TAFA2: variants seen among roughly 807,000 people sequenced by gnomAD.
TAFA2 encodes the protein chemokine-like protein TAFA-2.
A neutral mutation model predicts 18.8 loss-of-function variants in TAFA2; 7 were observed. That is an observed-to-expected ratio of 0.37 (90% CI 0.21 to 0.70). The LOEUF (loss-of-function observed/expected upper bound fraction) is 0.70, where lower values mean the gene tolerates loss of function less well. Ranked by LOEUF, TAFA2 falls within the 30% of genes least tolerant of loss-of-function variation. The pLI is 0.53. For synonymous variants in TAFA2, 60 were observed against 54.2 expected, an observed-to-expected ratio of 1.11 and a Z score of -0.47; for missense variants, 122 against 158.1, an observed-to-expected ratio of 0.77 and a Z score of 1.23.
At chr12:61,818,469 C>T (rs963444083) in intron 2 of TAFA2, among the ~76,000 whole-genome samples, 7 of 145,364 alleles carry the variant, frequency 4.8e-5, no homozygotes, top group African/African-American at 1.6e-4. Flanking sequence ...GGTGACAGAT[C>T]GAGACCCTGT....
intron 2 of TAFA2, among the ~76,000 whole-genome samples, chr12:61,791,172 A>T (rs1870961982): frequency 6.6e-6 from 1 of 151,924 alleles, no homozygotes; most frequent in Non-Finnish European, 1.5e-5. Flanking sequence ...ATGAAACTGG[A>T]CATGTATCTT....
At chr12:62,075,772 T>C (rs1042101823) in intron 1 of TAFA2, among the ~76,000 whole-genome samples, 2 of 152,190 alleles carry the variant, frequency 1.3e-5, no homozygotes, top group Non-Finnish European at 2.9e-5. Context: ...ATTAATCCAC[T>C]AAGTTATTTA....
intron 1 of TAFA2, among the ~76,000 whole-genome samples, chr12:62,051,370 G>A (rs1287990802): frequency 6.6e-6 from 1 of 152,048 alleles, no homozygotes; most frequent in Non-Finnish European, 1.5e-5. Flanking sequence ...CACTTCACAA[G>A]TCTATAGATC....
intron 1 of TAFA2, among the ~76,000 whole-genome samples, chr12:61,918,011 TTA>T (rs1457264535): frequency 6.6e-6 from 1 of 152,052 alleles, no homozygotes; most frequent in African/African-American, 2.4e-5. Flanking sequence ...CCATGCTTAT[TTA>T]TTTTTTTTTT....
intron 1 of TAFA2, among the ~76,000 whole-genome samples, chr12:62,111,418 A>G (rs192388824): frequency 6.6e-6 from 1 of 152,268 alleles, no homozygotes; most frequent in African/African-American, 2.4e-5. Flanking sequence ...TATGTGGTCA[A>G]TTTTAGAACA....
chr12:61,923,193 G>C (rs1877131984), intron 1 of TAFA2, among the ~76,000 whole-genome samples: 1 of 152,228 alleles, frequency 6.6e-6, no homozygotes, highest in Admixed American at 6.5e-5. Flanking sequence ...CTGCCTGTCG[G>C]CTCTAAAGAG....
chr12:62,079,668 A>C (rs1215874720), intron 1 of TAFA2, among the ~76,000 whole-genome samples: 1 of 151,982 alleles, frequency 6.6e-6, no homozygotes. Context: ...TGTCTCAAAA[A>C]AAAAAAAAAA....
intron 2 of TAFA2, among the ~76,000 whole-genome samples, chr12:61,815,068 T>C (rs1469265528): frequency 6.6e-6 from 1 of 151,432 alleles, no homozygotes; most frequent in African/African-American, 2.5e-5. Flanking sequence ...CAATAGAAAA[T>C]ACAGAAGAGT....
intron 1 of TAFA2, among the ~76,000 whole-genome samples, chr12:61,957,714 A>G (rs1473769701): frequency 6.6e-6 from 1 of 152,072 alleles, no homozygotes; most frequent in Non-Finnish European, 1.5e-5. Flanking sequence ...CTCAGCTAAA[A>G]GTCCGTATCT....
chr12:62,163,414 C>T (rs956879377), intron 1 of TAFA2, among the ~76,000 whole-genome samples: 7 of 152,098 alleles, frequency 4.6e-5, no homozygotes, highest in Non-Finnish European at 1.0e-4. Flanking sequence ...TAACAGCTAA[C>T]AGCAGTTTGG....
At chr12:62,103,133 A>G (rs1285799211) in intron 1 of TAFA2, among the ~76,000 whole-genome samples, 3 of 152,234 alleles carry the variant, frequency 2.0e-5, no homozygotes, top group Admixed American at 6.5e-5. Context: ...TAACACTGTC[A>G]TCTTACACTC....
rs139461865 is a variant in TAFA2, at chr12:61,740,546, A to C, written c.384+13076T>G. ...AGACTCAGAAGGATGGGAAGGTGGGAGGGGAGTGAAGGATGAAAAGTGGCT... is the reference window on the plus strand; with the variant it reads ...AGACTCAGAAGGATGGGAAGGTGGGCGGGGAGTGAAGGATGAAAAGTGGCT... On this transcript the variant is annotated intron_variant, in intron 4 of 4. Transcript: ENST00000416284. Among the ~76,000 whole-genome samples the C allele has an allele frequency of 9.9e-3, 1,503 of 152,034 alleles. 25 individuals are homozygous for C. The highest frequency in any genetic ancestry group is 0.034 in the African/African-American group (1,426 of 41,480).
chr12:62,207,802 C>G (rs1167693681), intron 1 of TAFA2, among the ~76,000 whole-genome samples: 1 of 152,188 alleles, frequency 6.6e-6, no homozygotes, highest in Non-Finnish European at 1.5e-5. Context: ...AGCACGTAGA[C>G]ATTTTCCCCA....
intron 1 of TAFA2, among the ~76,000 whole-genome samples, chr12:61,882,070 T>G (rs1249414443): frequency 1.3e-5 from 2 of 152,088 alleles, no homozygotes; most frequent in Non-Finnish European, 2.9e-5. Flanking sequence ...CTTATAAGAG[T>G]GCTTTAAAGT....
chr12:62,189,555 T>C (rs1241987477), intron 1 of TAFA2, among the ~76,000 whole-genome samples: 1 of 152,194 alleles, frequency 6.6e-6, no homozygotes, highest in East Asian at 1.9e-4. Flanking sequence ...AATTTTGATA[T>C]TGCAAATGAT....
rs558973889 is a variant in TAFA2 at position 61,728,761 on chromosome 12, AC to A, written c.385-18345del. ...TGCGAATATTATTGAGATGTGAGGT[AC>A]TATTCTATTCATCATGCTAGTTGGT... On this transcript the variant is annotated intron_variant, in intron 4 of 4. Coordinates refer to ENST00000416284, the MANE Select transcript of TAFA2 (RefSeq NM_178539.5). 1.2e-4 allele frequency among the ~76,000 whole-genome samples: 19 copies of A among 152,064 alleles called. No homozygotes were observed. In the East Asian group the frequency reaches 3.5e-3, roughly 28 times the overall value.
At chr12:62,018,389 C>A (rs1180951824) in intron 1 of TAFA2, among the ~76,000 whole-genome samples, 5 of 152,058 alleles carry the variant, frequency 3.3e-5, no homozygotes, top group Non-Finnish European at 5.9e-5. Flanking sequence ...TTTATTCACA[C>A]AAAATCAAGC....
intron 1 of TAFA2, among the ~76,000 whole-genome samples, chr12:61,889,214 T>A (rs546112102): frequency 5.1e-4 from 77 of 152,326 alleles, no homozygotes; most frequent in African/African-American, 1.8e-3. Flanking sequence ...TGTTGTCTCA[T>A]AAGGAACCAA....
At chr12:61,843,725 C>A (rs1306828460) in intron 2 of TAFA2, among the ~76,000 whole-genome samples, 1 of 152,084 alleles carries the variant, frequency 6.6e-6, no homozygotes. Context: ...TTCATATATA[C>A]ACACATAAAT....
Sources: gnomAD v4.1 joint callset for allele counts (sites outside exome capture counted in the v4.1 genomes callset) on GRCh38, gnomAD v4.1.1 for gene constraint, MANE v1.5 for transcripts, NCBI Gene and HGNC (gene_info 2026-07-23, HGNC 2026-07-21) for gene names.